RAB11FIP4: variants seen among roughly 807,000 people sequenced by gnomAD.
The protein encoded by RAB11FIP4 is rab11 family-interacting protein 4.
RAB11FIP4 carries 23 observed loss-of-function variants against 74.3 expected under a neutral mutation model. That is an observed-to-expected ratio of 0.31 (90% CI 0.22 to 0.44). The LOEUF (loss-of-function observed/expected upper bound fraction) is 0.44, where lower values mean the gene tolerates loss of function less well. RAB11FIP4 is among the 20% of genes least tolerant of loss of function. The pLI is 1.00. For synonymous variants in RAB11FIP4, 360 were observed against 359.9 expected (o/e 1.00, Z 0.00); for missense variants, 630 against 863.9 (o/e 0.73, Z 3.39).
chr17:31,458,903 G>A (rs9889731), intron 3 of RAB11FIP4, among the ~76,000 whole-genome samples: 6,435 of 152,216 alleles, frequency 0.042, 467 homozygotes, highest in African/African-American at 0.15. Context: ...CCCAGGAGCT[G>A]AAGACCTGTG....
intron 3 of RAB11FIP4, among the ~76,000 whole-genome samples, chr17:31,434,824 G>A (rs1235907661): frequency 1.3e-5 from 2 of 152,228 alleles, no homozygotes; most frequent in African/African-American, 4.8e-5. Context: ...CCGCACCTTC[G>A]CTTAGGGGCG....
intron 4 of RAB11FIP4, among the ~76,000 whole-genome samples, chr17:31,519,573 A>G (rs2072624884): frequency 1.3e-5 from 2 of 152,052 alleles, no homozygotes; most frequent in Non-Finnish European, 2.9e-5. Flanking sequence ...GGGGGTTGCA[A>G]GTGGCAGCCC....
intron 1 of RAB11FIP4, among the ~76,000 whole-genome samples, chr17:31,430,448 C>T (rs1483101246): frequency 6.6e-6 from 1 of 150,654 alleles, no homozygotes; most frequent in African/African-American, 2.5e-5. Flanking sequence ...ACCTCTGCCT[C>T]CCAGGTTCAT....
intron 3 of RAB11FIP4, among the ~76,000 whole-genome samples, chr17:31,516,780 G>A (rs1274179501): frequency 6.6e-6 from 1 of 152,178 alleles, no homozygotes; most frequent in African/African-American, 2.4e-5. Context: ...TATTGAAAAC[G>A]AAAGTACACT....
At chr17:31,487,680 G>T (rs1034374359) in intron 3 of RAB11FIP4, among the ~76,000 whole-genome samples, 2 of 151,986 alleles carry the variant, frequency 1.3e-5, no homozygotes, top group Non-Finnish European at 2.9e-5. Context: ...GCGCCGGCCG[G>T]AATCTCACAG....
intron 3 of RAB11FIP4, among the ~76,000 whole-genome samples, chr17:31,438,626 C>T (rs919405443): frequency 6.6e-6 from 1 of 152,140 alleles, no homozygotes; most frequent in African/African-American, 2.4e-5. Flanking sequence ...GGGATGAAAA[C>T]CAACATCAGC....
chr17:31,413,296 C>T (rs1473146567), intron 1 of RAB11FIP4, among the ~76,000 whole-genome samples: 1 of 152,092 alleles, frequency 6.6e-6, no homozygotes, highest in Non-Finnish European at 1.5e-5. Flanking sequence ...GCAGACATTC[C>T]CATGTAACCT....
intron 3 of RAB11FIP4, among the ~76,000 whole-genome samples, chr17:31,445,977 C>T (rs773540954): frequency 6.6e-6 from 1 of 151,828 alleles, no homozygotes; most frequent in Non-Finnish European, 1.5e-5. Flanking sequence ...TCTTTAGTTT[C>T]CTTTAATCTA....
chr17:31,435,220 C>T (rs556711592), intron 3 of RAB11FIP4, among the ~76,000 whole-genome samples: 4 of 152,140 alleles, frequency 2.6e-5, no homozygotes, highest in Non-Finnish European at 5.9e-5. Flanking sequence ...AACCCAGTCT[C>T]CAGCCCCTCT....
intron 10 of RAB11FIP4, chr17:31,527,604 G>A (rs1356209357): frequency 1.1e-5 from 5 of 470,682 alleles, no homozygotes; most frequent in East Asian, 3.4e-5. Flanking sequence ...AAAAAAAAAA[G>A]AAAGAAAATA....
intron 3 of RAB11FIP4, among the ~76,000 whole-genome samples, chr17:31,454,575 A>G (rs1472093213): frequency 6.6e-6 from 1 of 151,960 alleles, no homozygotes; most frequent in African/African-American, 2.4e-5. Flanking sequence ...TGCCTTGCCT[A>G]AGTCTGATTC....
At chr17:31,521,067 A>T in intron 4 of RAB11FIP4, 99 bp from the exon 5 acceptor site, 1 of 895,810 alleles carries the variant, frequency 1.1e-6, no homozygotes, top group Non-Finnish European at 1.7e-6. Flanking sequence ...CTTAATCGGT[A>T]GTGCCAATTA....
chr17:31,484,109 C>A (rs888246144), intron 3 of RAB11FIP4, among the ~76,000 whole-genome samples: 1 of 140,680 alleles, frequency 7.1e-6, no homozygotes, highest in Admixed American at 7.3e-5. Flanking sequence ...CTTCCTCTGT[C>A]ACCTAGGCTG....
chr17:31,428,579 G>A (rs953090916), intron 1 of RAB11FIP4, among the ~76,000 whole-genome samples: 2 of 152,054 alleles, frequency 1.3e-5, no homozygotes, highest in Non-Finnish European at 2.9e-5. Flanking sequence ...GAGTGTGAGC[G>A]TGTACACATG....
At chr17:31,478,440 G>T (rs2142735786) in intron 3 of RAB11FIP4, among the ~76,000 whole-genome samples, 1 of 152,328 alleles carries the variant, frequency 6.6e-6, no homozygotes, top group Admixed American at 6.5e-5. Context: ...TCCAAGCCCA[G>T]TTGCCTTAAG....
In RAB11FIP4 at chr17:31,413,200, G is replaced by A. The variant is rs552477882; in HGVS notation, c.160-18613G>A. On this transcript the variant is annotated intron_variant, in intron 1 of 14. Coordinates refer to ENST00000621161, the MANE Select transcript of RAB11FIP4 (RefSeq NM_032932.6). The stretch of plus-strand genomic sequence containing the variant: ...GAGCTCGGCATGTTTCGGATGGGGC[G>A]GGATAGATGGGTTAGAGGAGGCAGG... Among the ~76,000 whole-genome samples the A allele has an allele frequency of 8.5e-5, 13 of 152,234 alleles. No homozygotes were observed. In the East Asian group the frequency reaches 2.5e-3, roughly 29 times the overall value.
intron 3 of RAB11FIP4, among the ~76,000 whole-genome samples, chr17:31,491,813 G>A (rs538455153): frequency 2.3e-4 from 35 of 152,304 alleles, no homozygotes; most frequent in African/African-American, 6.7e-4. Context: ...GAGCCTCCGC[G>A]TCGAGGGGAT....
Position 31,391,759 on chromosome 17 carries a change from C to T in RAB11FIP4, c.-94C>T. On this transcript the variant is annotated 5_prime_UTR_variant, in exon 1 of 15. In the 5' UTR this introduces an upstream ATG that the reference lacks. Coordinates refer to ENST00000621161, the MANE Select transcript of RAB11FIP4 (RefSeq NM_032932.6). ...GGAGGCTGCGCGGCGCAGACCCAGACGGGCGGCCCCGGAGGGCGCGCGGCG... is the reference window on the plus strand; with the variant it reads ...GGAGGCTGCGCGGCGCAGACCCAGATGGGCGGCCCCGGAGGGCGCGCGGCG... The T allele has an allele frequency of 2.2e-6, 2 of 913,708 alleles. No homozygotes were observed. Among genetic ancestry groups the T allele is most frequent in the Non-Finnish European group, 2.6e-6 (2 of 766,790 alleles). 56.6% of individuals were successfully genotyped at this position (913,708 alleles called of 1,614,324 possible).
intron 3 of RAB11FIP4, among the ~76,000 whole-genome samples, chr17:31,492,071 T>G (rs1294774240): frequency 6.6e-6 from 1 of 152,172 alleles, no homozygotes; most frequent in African/African-American, 2.4e-5. Context: ...TCCTGTCGGG[T>G]AGGGACAGGT....
Sources: gnomAD v4.1 joint callset for allele counts (sites outside exome capture counted in the v4.1 genomes callset) on GRCh38, gnomAD v4.1.1 for gene constraint, MANE v1.5 for transcripts, NCBI Gene and HGNC (gene_info 2026-07-23, HGNC 2026-07-21) for gene names.